Variants in KANK4 observed in about 807,000 individuals in gnomAD.
The protein encoded by KANK4 is KN motif and ankyrin repeat domain-containing protein 4.
KANK4 carries 50 observed loss-of-function variants against 80.8 expected under a neutral mutation model. The observed-to-expected ratio is 0.62, with a 90% CI of 0.49 to 0.78. The LOEUF (loss-of-function observed/expected upper bound fraction) is 0.78. KANK4 is among the 30% of genes least tolerant of loss of function. KANK4 has a pLI of 0.00. For synonymous variants in KANK4, 465 were observed against 506.9 expected, an observed-to-expected ratio of 0.92 and a Z score of 1.11; for missense variants, 1,196 against 1,240.1, an observed-to-expected ratio of 0.96 and a Z score of 0.53.
At chr1:62,268,033 C>T (rs1318018930) in intron 5 of KANK4, among the ~76,000 whole-genome samples, 2 of 152,086 alleles carry the variant, frequency 1.3e-5, no homozygotes, top group Admixed American at 1.3e-4. Flanking sequence ...CTTGTAAAGT[C>T]CTTCACAGTT....
intron 9 of KANK4, among the ~76,000 whole-genome samples, chr1:62,241,634 G>A (rs1570953842): frequency 6.6e-6 from 1 of 152,298 alleles, no homozygotes; most frequent in African/African-American, 2.4e-5. Context: ...AGAACCTAAC[G>A]GTATTCATTC....
rs184166424 is a variant in KANK4, at chr1:62,236,663, C to T, written c.*1614G>A. On this transcript the variant is annotated 3_prime_UTR_variant, in exon 10 of 10. Coordinates refer to ENST00000371153, the MANE Select transcript of KANK4 (RefSeq NM_181712.5). ...AGGCTGGAGTGCAATGGCACGATCT[C>T]GGCTCACTGAAACCTCCGCCTCCCG... 6.5e-3 allele frequency among the ~76,000 whole-genome samples: 956 copies of T among 146,338 alleles called. 10 individuals are homozygous for T. The highest frequency in any genetic ancestry group is 9.5e-3 in the Non-Finnish European group (642 of 67,382).
chr1:62,272,691 C>G (rs1672191576), intron 3 of KANK4: 1 of 152,392 alleles, frequency 6.6e-6, no homozygotes, highest in Admixed American at 6.5e-5. Context: ...ATAGTCAGAC[C>G]CAACCTTAGA....
rs141351845 is a variant in KANK4 at position 62,273,761 on chromosome 1, C to T, written c.1343G>A (p.Arg448Gln). 436 of 1,614,128 alleles carry T rather than the reference C, an allele frequency of 2.7e-4. No homozygotes were observed. In the African/African-American group the frequency reaches 5.0e-3, roughly 19 times the overall value. ...CCATAGGAGGCCATTCTCCTCTCCT[C>T]GGTGCCCCCAGCTTTCAGACTCCAT... is the stretch of plus-strand genomic sequence containing the variant. ...GSMESESWGH[R>Q]GEENGLLWGP... The change falls in exon 3 of 10, where the codon CGA (arginine) becomes CAA (glutamine). Residue 448 changes from arginine (R) to glutamine (Q), a missense_variant. Physicochemically the swap from Arg to Gln is conservative, Grantham distance 43. This residue lies in a region of KANK4 where 1,154 missense variants were observed against 1,179.6 expected (regional missense o/e 0.98). Coordinates refer to ENST00000371153, the MANE Select transcript of KANK4 (RefSeq NM_181712.5).
rs1213694639 is a variant in KANK4 at position 62,253,288 on chromosome 1, C to T, written c.2540-79G>A. On this transcript the variant is annotated intron_variant, in intron 7 of 9. Coordinates refer to ENST00000371153, the MANE Select transcript of KANK4 (RefSeq NM_181712.5). ...CTCCACTTTAGCCGTTTCAATGGGA[C>T]ACTGCTCGCTGGTTAGAAAGCCATG... 4.3e-6 allele frequency: 6 copies of T among 1,389,182 alleles called. No individual in the cohort carries two copies. In the Admixed American group the frequency reaches 7.5e-5, roughly 17 times the overall value. The allele number at this position is 1,389,182 out of a possible 1,614,324, so 86.1% of individuals were successfully genotyped here.
intron 9 of KANK4, among the ~76,000 whole-genome samples, 187 bp from the exon 10 acceptor site, chr1:62,238,568 A>G (rs539813427): frequency 9.3e-4 from 141 of 152,218 alleles, no homozygotes; most frequent in African/African-American, 2.9e-3. Context: ...CCACAGAAAC[A>G]ATAGTGACTC....
chr1:62,294,294 T>G (rs561226794), intron 1 of KANK4, among the ~76,000 whole-genome samples: 1 of 152,060 alleles, frequency 6.6e-6, no homozygotes, highest in South Asian at 2.1e-4. Context: ...CAATTTGGAG[T>G]AAATGTTTCC....
intron 2 of KANK4, 61 bp from the exon 3 acceptor site, chr1:62,275,148 G>GTA: frequency 7.9e-7 from 1 of 1,265,480 alleles, no homozygotes; most frequent in Non-Finnish European, 1.1e-6. Flanking sequence ...ATTACAGGGC[G>GTA]ATGAGGCCTA....
At chr1:62,240,087 C>T (rs145595542) in intron 9 of KANK4, among the ~76,000 whole-genome samples, 3,203 of 152,304 alleles carry the variant, frequency 0.021, 95 homozygotes, top group African/African-American at 0.073. Context: ...GAGGAATCAC[C>T]GCACTGTCTT....
At chr1:62,275,188 C>T in intron 2 of KANK4, 101 bp from the exon 3 acceptor site, 1 of 847,266 alleles carries the variant, frequency 1.2e-6, no homozygotes. Flanking sequence ...AACGCTGTCA[C>T]TTGAGACTTC....
At chr1:62,267,306 G>T (rs1031433735) in intron 5 of KANK4, among the ~76,000 whole-genome samples, 1 of 60,318 alleles carries the variant, frequency 1.7e-5, no homozygotes, top group Non-Finnish European at 3.0e-5. Flanking sequence ...TATGAGACTC[G>T]TTGAAGCTGG....
chr1:62,275,476 G>T (rs1009409922), intron 2 of KANK4, among the ~76,000 whole-genome samples: 2 of 152,154 alleles, frequency 1.3e-5, no homozygotes, highest in African/African-American at 4.8e-5. Flanking sequence ...GTACTAATTG[G>T]CAATTACGGA....
chr1:62,289,324 G>A (rs181257229), intron 1 of KANK4, among the ~76,000 whole-genome samples: 4 of 152,304 alleles, frequency 2.6e-5, no homozygotes, highest in African/African-American at 4.8e-5. Context: ...GCCAAGATTT[G>A]AATCCATGTT....
At chr1:62,278,696 AC>A (rs1672380796) in intron 2 of KANK4, among the ~76,000 whole-genome samples, 1 of 151,714 alleles carries the variant, frequency 6.6e-6, no homozygotes, top group South Asian at 2.1e-4. Flanking sequence ...CGCCCGGCTG[AC>A]CCACACAATT....
At position 62,262,956 on chromosome 1, in the gene KANK4, C is replaced by T. The variant is rs59025845; in HGVS notation, c.2539+136G>A. ...ATGGGTATACTACAAGACCAGACTT[C>T]ACCACTGTGCAATTCATCCATGTAA... On this transcript the variant is annotated intron_variant, in intron 7 of 9. Coordinates refer to ENST00000371153, the MANE Select transcript of KANK4 (RefSeq NM_181712.5). 199,534 of 701,260 alleles carry T rather than the reference C, an allele frequency of 0.28. 30,236 individuals are homozygous for T. The highest frequency in any genetic ancestry group is 0.32 in the Non-Finnish European group (127,663 of 397,286). 43.4% of individuals were successfully genotyped at this position (701,260 alleles called of 1,614,324 possible).
rs545120596 is a variant in KANK4 at position 62,268,499 on chromosome 1, C to G, written c.2019G>C (p.Glu673Asp). The change falls in exon 5 of 10, where the codon GAG becomes GAC. Residue 673 changes from glutamate to aspartate, a missense_variant. Coordinates refer to ENST00000371153, the MANE Select transcript of KANK4 (RefSeq NM_181712.5). ...CGCTGGTCTCCTCACTTGAGGTGGT[C>G]TCATACCTGGGGTAGAAAACAAAGG... ...LQFVGVNGGY[E>D]TTSSEETSGE... The G allele has an allele frequency of 6.2e-7, 1 of 1,613,292 alleles. No homozygotes were observed. The highest frequency in any genetic ancestry group is 2.2e-5 in the East Asian group (1 of 44,876).
At chr1:62,273,056 G>T (rs1233879310) in intron 3 of KANK4, 148 bp downstream of exon 3, 4 of 504,502 alleles carry the variant, frequency 7.9e-6, no homozygotes, top group Non-Finnish European at 1.3e-5. Context: ...CTCCCAAAGT[G>T]CTGGGATTAC....
At chr1:62,253,602 C>T (rs1356604329) in intron 7 of KANK4, among the ~76,000 whole-genome samples, 8 of 151,664 alleles carry the variant, frequency 5.3e-5, no homozygotes, top group Admixed American at 6.6e-5. Flanking sequence ...TTAGTAGAGA[C>T]GGGGTTTCAC....
intron 2 of KANK4, among the ~76,000 whole-genome samples, chr1:62,278,320 TCTTCCTTCCTTCCTTC>T (rs1166178685): frequency 1.7e-5 from 1 of 60,530 alleles, no homozygotes; most frequent in Non-Finnish European, 3.4e-5. Context: ...ACATTTTCTT[TCTTCCTTCCTTCCTTC>T]CTTCCTTCCT....
Sources: allele counts gnomAD v4.1 joint callset (sites outside exome capture counted in the v4.1 genomes callset), GRCh38; gene constraint gnomAD v4.1.1; regional missense constraint gnomAD v4.1.1; transcripts MANE v1.5; gene names NCBI Gene and HGNC (gene_info 2026-07-23, HGNC 2026-07-21).